The following NYAP2 variants were observed in gnomAD, a reference collection of about 807,000 sequenced individuals.
The protein encoded by NYAP2 is neuronal tyrosine-phosphorylated phosphoinositide-3-kinase adaptor 2, also known as neuronal tyrosine-phosphorylated phosphoinositide-3-kinase adapter 2.
In NYAP2, 23 loss-of-function variants were observed where a neutral mutation model predicts 50.4. The ratio of observed to expected loss-of-function variants is 0.46; its 90% CI spans 0.33 to 0.65. NYAP2 has a LOEUF of 0.65. NYAP2 is among the 30% of genes least tolerant of loss of function. The pLI is 0.02. For missense variants in NYAP2, 885 were observed against 861.0 expected (o/e 1.03, Z -0.35); for synonymous variants, 394 against 365.2 (o/e 1.08, Z -0.90).
the NYAP2 span, among the ~76,000 whole-genome samples, chr2:225,690,309 G>C: frequency 6.6e-6 from 1 of 151,964 alleles, no homozygotes; most frequent in African/African-American, 2.4e-5. Context: ...TGAAAGACTT[G>C]TGATTTGATA....
At chr2:225,570,399 A>C (rs1026307511) in intron 4 of NYAP2, among the ~76,000 whole-genome samples, 1 of 152,150 alleles carries the variant, frequency 6.6e-6, no homozygotes, top group Non-Finnish European at 1.5e-5. Context: ...CACTATAAAG[A>C]AATAACCTGA....
intron 5 of NYAP2, among the ~76,000 whole-genome samples, chr2:225,611,187 C>T (rs1215388114): frequency 6.6e-6 from 1 of 152,086 alleles, no homozygotes; most frequent in African/African-American, 2.4e-5. Flanking sequence ...CCATCAAAAC[C>T]CCTAGTTTCC....
At chr2:225,664,831 G>A in the NYAP2 span, among the ~76,000 whole-genome samples, 3 of 152,066 alleles carry the variant, frequency 2.0e-5, no homozygotes, top group Admixed American at 1.3e-4. Context: ...AGCTATCACG[G>A]CACTGCACTC....
chr2:225,656,473 G>A (rs969959178), downstream of NYAP2, among the ~76,000 whole-genome samples: 3 of 152,082 alleles, frequency 2.0e-5, no homozygotes, highest in African/African-American at 4.8e-5. Context: ...TTTGCTTGAC[G>A]ACCTTGCAGG....
At chr2:225,428,438 T>G (rs1695317745) in intron 3 of NYAP2, among the ~76,000 whole-genome samples, 1 of 152,224 alleles carries the variant, frequency 6.6e-6, no homozygotes. Context: ...TATTTTCAGA[T>G]AGTAATAATT....
At chr2:225,549,918 G>A (rs1397882930) in intron 4 of NYAP2, among the ~76,000 whole-genome samples, 1 of 152,044 alleles carries the variant, frequency 6.6e-6, no homozygotes, top group African/African-American at 2.4e-5. Context: ...TCAGGAGGCA[G>A]AGGTTGCAGT....
At chr2:225,447,837 A>C (rs1006644912) in intron 3 of NYAP2, among the ~76,000 whole-genome samples, 4 of 152,202 alleles carry the variant, frequency 2.6e-5, no homozygotes, top group Admixed American at 2.6e-4. Context: ...TAGCTCCCTG[A>C]CCAAGAGATT....
At chr2:225,663,714 C>G in the NYAP2 span, among the ~76,000 whole-genome samples, 2 of 152,106 alleles carry the variant, frequency 1.3e-5, no homozygotes, top group Non-Finnish European at 2.9e-5. Context: ...CACACCACCA[C>G]GCCTGGCTAA....
intron 4 of NYAP2, among the ~76,000 whole-genome samples, chr2:225,559,642 T>A (rs533567650): frequency 6.6e-6 from 1 of 152,210 alleles, no homozygotes; most frequent in South Asian, 2.1e-4. Flanking sequence ...GAAGTCATTA[T>A]GTATCAAATA....
At chr2:225,595,463 G>T (rs1692579879) in intron 5 of NYAP2, among the ~76,000 whole-genome samples, 1 of 152,168 alleles carries the variant, frequency 6.6e-6, no homozygotes, top group Non-Finnish European at 1.5e-5. Flanking sequence ...CATCCAAATT[G>T]TGTCTATATC....
chr2:225,502,997 C>A (rs1468688143), intron 3 of NYAP2, among the ~76,000 whole-genome samples: 1 of 152,136 alleles, frequency 6.6e-6, no homozygotes, highest in East Asian at 1.9e-4. Flanking sequence ...CTTTAGAAAG[C>A]TAAACCAGTT....
At chr2:225,661,932 C>T in the NYAP2 span, among the ~76,000 whole-genome samples, 2 of 152,134 alleles carry the variant, frequency 1.3e-5, no homozygotes, top group Non-Finnish European at 2.9e-5. Context: ...CCATGTTGGC[C>T]AGGCTGGTCT....
chr2:225,498,596 T>C (rs981307517), intron 3 of NYAP2, among the ~76,000 whole-genome samples: 1 of 151,180 alleles, frequency 6.6e-6, no homozygotes, highest in African/African-American at 2.4e-5. Flanking sequence ...GGTCAATGAA[T>C]GCATTATTGC....
chr2:225,473,836 G>T (rs1033656942), intron 3 of NYAP2, among the ~76,000 whole-genome samples: 2 of 152,138 alleles, frequency 1.3e-5, no homozygotes, highest in Non-Finnish European at 2.9e-5. Context: ...TGTCAATTTT[G>T]GCTTTTGTTG....
intron 3 of NYAP2, among the ~76,000 whole-genome samples, chr2:225,505,657 C>A (rs1170367391): frequency 6.6e-6 from 1 of 152,124 alleles, no homozygotes. Flanking sequence ...TAAAAGTCAG[C>A]CAATAACTCT....
At chr2:225,547,791 T>C (rs748802267) in intron 4 of NYAP2, among the ~76,000 whole-genome samples, 4 of 152,154 alleles carry the variant, frequency 2.6e-5, no homozygotes, top group Non-Finnish European at 4.4e-5. Flanking sequence ...GCTCACCTGA[T>C]TTTTAGTTCT....
intron 6 of NYAP2, among the ~76,000 whole-genome samples, chr2:225,645,942 G>C (rs1693629453): frequency 6.6e-6 from 1 of 152,148 alleles, no homozygotes; most frequent in African/African-American, 2.4e-5. Flanking sequence ...ATCTTTTCTA[G>C]AATTTTCAGG....
the NYAP2 span, among the ~76,000 whole-genome samples, chr2:225,681,051 T>C: frequency 1.3e-5 from 2 of 152,208 alleles, no homozygotes; most frequent in Non-Finnish European, 2.9e-5. Context: ...AACACAGCTA[T>C]TGCAACAAAT....
intron 3 of NYAP2, among the ~76,000 whole-genome samples, chr2:225,488,071 C>T (rs1467182062): frequency 6.6e-6 from 1 of 152,146 alleles, no homozygotes; most frequent in Non-Finnish European, 1.5e-5. Flanking sequence ...TTTCTTCTGA[C>T]CCATATCCAC....
Sources: gnomAD v4.1 joint callset for allele counts (sites outside exome capture counted in the v4.1 genomes callset) on GRCh38, gnomAD v4.1.1 for gene constraint, MANE v1.5 for transcripts, NCBI Gene and HGNC (gene_info 2026-07-23, HGNC 2026-07-21) for gene names.